The following KDM2B variants were observed in gnomAD, a reference collection of about 807,000 sequenced individuals.
The protein encoded by KDM2B is lysine demethylase 2B, also known as lysine-specific demethylase 2B.
Under a neutral mutation model 150.0 loss-of-function variants are expected in KDM2B, and 26 were observed. The observed-to-expected ratio is 0.17, with a 90% CI of 0.13 to 0.24. KDM2B has a LOEUF of 0.24. KDM2B is among the 10% of genes least tolerant of loss of function. The probability of loss-of-function intolerance (pLI) is 1.00; values close to 1 mark genes in which losing one functional copy is unlikely to be tolerated. For missense variants in KDM2B, 1,265 were observed against 1,816.9 expected (o/e 0.70, Z 5.52); for synonymous variants, 734 against 729.5 (o/e 1.01, Z -0.10).
chr12:121,576,874 G>C (rs910787015), intron 2 of KDM2B, among the ~76,000 whole-genome samples: 28 of 152,192 alleles, frequency 1.8e-4, no homozygotes, highest in African/African-American at 6.5e-4. Flanking sequence ...ACAGTTCACA[G>C]GGCAGCCTTG....
Position 121,439,819 on chromosome 12 carries a change from G to A in KDM2B, c.3829+38C>T, listed in dbSNP as rs368644451. ...AATGTGAACCTCCTGGTTCTCCCAC[G>A]GAGTGTTAGGCAGACCCGATGGGGG... On this transcript the variant is annotated intron_variant, in intron 22 of 22. Transcript: ENST00000377071. 367 of 1,473,988 alleles carry A rather than the reference G, an allele frequency of 2.5e-4. No individual in the cohort carries two copies. In the South Asian group the frequency reaches 2.5e-3, roughly 10 times the overall value. The allele number at this position is 1,473,988 out of a possible 1,614,324, so 91.3% of individuals were successfully genotyped here.
intron 11 of KDM2B, among the ~76,000 whole-genome samples, chr12:121,508,380 CT>C (rs1428720626): frequency 1.3e-5 from 2 of 152,234 alleles, no homozygotes; most frequent in African/African-American, 2.4e-5. Context: ...GCCACCGTGC[CT>C]GGCCCGCACC....
At position 121,537,062 on chromosome 12, in the gene KDM2B, G is replaced by A. The variant is rs1888182919; in HGVS notation, c.684-2472C>T. 6.6e-6 allele frequency among the ~76,000 whole-genome samples: 1 copy of A among 152,124 alleles called. No individual in the cohort carries two copies. Among genetic ancestry groups the A allele is most frequent in the Non-Finnish European group, 1.5e-5 (1 of 67,976 alleles). On this transcript the variant is annotated intron_variant, in intron 6 of 22. Transcript: ENST00000377071. The surrounding 1 kb of genome is among the most constrained non-coding windows in gnomAD (Gnocchi z 8.7). ...AGAGGCCCCTCGGGGGGCTGGGGCC[G>A]CCTCTTCCAGACCTGCCTCTCCCGG... is the stretch of plus-strand genomic sequence containing the variant.
At chr12:121,460,600 G>A (rs1386873866) in intron 12 of KDM2B, among the ~76,000 whole-genome samples, 1 of 152,046 alleles carries the variant, frequency 6.6e-6, no homozygotes, top group South Asian at 2.1e-4. Flanking sequence ...GAGCGACGGA[G>A]TCCCACTATG....
chr12:121,413,575 C>CTT, the KDM2B span, among the ~76,000 whole-genome samples: 91 of 108,734 alleles, frequency 8.4e-4, 5 homozygotes, highest in African/African-American at 3.1e-3. Flanking sequence ...CCATGCCCAG[C>CTT]TTTTTTTTTT....
intron 4 of KDM2B, among the ~76,000 whole-genome samples, chr12:121,566,147 T>G (rs1254568010): frequency 6.6e-6 from 1 of 152,010 alleles, no homozygotes; most frequent in Non-Finnish European, 1.5e-5. Flanking sequence ...TTAAGCCAGA[T>G]ACAAAAAGAA....
rs569642192 is a variant in KDM2B at position 121,533,431 on chromosome 12, T to C, written c.778-472A>G. On this transcript the variant is annotated intron_variant, in intron 7 of 22. Coordinates refer to ENST00000377071, the MANE Select transcript of KDM2B (RefSeq NM_032590.5). This position sits in a 1 kb window ranked among gnomAD's most constrained non-coding sequence, Gnocchi z 4.1. ...CACGTTCAGTTAAAACAAACGCACA[T>C]GCAGACCCAGCCAAGCAGGGTGGCA... Among the ~76,000 whole-genome samples the C allele has an allele frequency of 6.6e-6, 1 of 152,260 alleles. No individual in the cohort carries two copies. The highest frequency in any genetic ancestry group is 2.1e-4 in the South Asian group (1 of 4,822).
chr12:121,470,844 G>C (rs1440728783), intron 12 of KDM2B, among the ~76,000 whole-genome samples: 3 of 152,232 alleles, frequency 2.0e-5, no homozygotes, highest in African/African-American at 4.8e-5. Context: ...AAGGTGGGTA[G>C]GTATGGTTTG....
chr12:121,549,129 G>A lies in KDM2B; in HGVS notation c.577-146C>T, dbSNP rs1030693639. On this transcript the variant is annotated intron_variant, in intron 5 of 22. Coordinates refer to ENST00000377071, the MANE Select transcript of KDM2B (RefSeq NM_032590.5). This position sits in a 1 kb window ranked among gnomAD's most constrained non-coding sequence, Gnocchi z 4.4. ...CCCAACATGGGAGGAAGGAAGGGCA[G>A]GGATGACAGGACCCACACTTTGTAG... The A allele has an allele frequency of 3.0e-6, 2 of 662,550 alleles. No homozygotes were observed. The highest frequency in any genetic ancestry group is 5.2e-6 in the Non-Finnish European group (2 of 381,922). The allele number at this position is 662,550 out of a possible 1,614,324, so 41.0% of individuals were successfully genotyped here.
chr12:121,532,353 G>A (rs1338324389), intron 8 of KDM2B, among the ~76,000 whole-genome samples: 1 of 152,148 alleles, frequency 6.6e-6, no homozygotes, highest in Non-Finnish European at 1.5e-5. Context: ...AACTCACTCA[G>A]CCCTCATGAC....
chr12:121,543,377 A>C (rs889208420), intron 6 of KDM2B, among the ~76,000 whole-genome samples: 23 of 151,944 alleles, frequency 1.5e-4, no homozygotes, highest in African/African-American at 5.6e-4. Context: ...AAGAAAAGAA[A>C]AACACTGAGT....
Position 121,442,512 on chromosome 12 carries a change from G to C in KDM2B, c.2929C>G (p.Pro977Ala), listed in dbSNP as rs369380594. 8 of 1,599,480 alleles carry C rather than the reference G, an allele frequency of 5.0e-6. No homozygotes were observed. Among genetic ancestry groups the C allele is most frequent in the Admixed American group, 3.3e-5 (2 of 60,004 alleles). Residue 977 changes from proline (P) to alanine (A), a missense_variant, in exon 19 of 23, where the codon CCT (proline) becomes GCT (alanine). By Grantham distance (27) the Pro-to-Ala change is conservative (BLOSUM62 -1). Transcript: ENST00000377071. The surrounding 1 kb of genome is among the most constrained non-coding windows in gnomAD (Gnocchi z 7.7). Reference protein sequence around the residue: ...NENQQPIKSEPESEGEEPKRP... With the variant: ...NENQQPIKSEAESEGEEPKRP... ...TTGGGCTCCTCGCCCTCGCTCTCAG[G>C]CTCCGACTTGATGGGCTGCTGGTTC...
At position 121,444,048 on chromosome 12, in the gene KDM2B, T is replaced by C. The variant is rs986985297; in HGVS notation, c.2415A>G (p.Lys805=). Reference sequence around the variant, plus strand: ...CACTCAGCTCCTGGGGCTTCTCGTATTTCCGCTTCTTCCTCAGGTGCACGT... The same window carrying C: ...CACTCAGCTCCTGGGGCTTCTCGTACTTCCGCTTCTTCCTCAGGTGCACGT... ...SDDVHLRKKR[K]YEKPQELSGR... is the part of the protein sequence containing the mutation. Residue 805 remains lysine (K), a synonymous_variant, in exon 16 of 23, where the codon AAA becomes AAG. Transcript: ENST00000377071. 1 of 1,613,478 alleles carries C rather than the reference T, an allele frequency of 6.2e-7. No individual in the cohort carries two copies. The highest frequency in any genetic ancestry group is 1.3e-5 in the African/African-American group (1 of 74,942).
the KDM2B span, among the ~76,000 whole-genome samples, chr12:121,411,845 A>G: frequency 1.3e-5 from 2 of 152,348 alleles, no homozygotes; most frequent in South Asian, 2.1e-4. Flanking sequence ...TTTAGTAGCT[A>G]CATTAGTAGG....
intron 4 of KDM2B, among the ~76,000 whole-genome samples, chr12:121,562,844 A>T (rs1264867442): frequency 1.3e-5 from 2 of 152,222 alleles, no homozygotes; most frequent in Non-Finnish European, 2.9e-5. Flanking sequence ...TGCCTAATTC[A>T]TATGACTACT....
chr12:121,454,999 CCAT>C (rs1310205932), intron 12 of KDM2B, among the ~76,000 whole-genome samples: 2 of 152,196 alleles, frequency 1.3e-5, no homozygotes, highest in Non-Finnish European at 2.9e-5. Context: ...AGCCTCGCCA[CCAT>C]CAACTTTCTT....
chr12:121,434,427 T>C (rs1555286249), intron 22 of KDM2B, among the ~76,000 whole-genome samples: 1 of 130,146 alleles, frequency 7.7e-6, no homozygotes, highest in Non-Finnish European at 1.6e-5. Context: ...ACCCGGGAGG[T>C]GGAGGTTGCA....
At chr12:121,580,680 C>A in intron 1 of KDM2B, 106 bp downstream of exon 1, 1 of 1,434,880 alleles carries the variant, frequency 7.0e-7, no homozygotes, top group Non-Finnish European at 9.3e-7. Flanking sequence ...GTGAAAGCCC[C>A]CGGGGCCTGG....
chr12:121,437,887 A>ATTT (rs200245718), intron 22 of KDM2B, among the ~76,000 whole-genome samples: 9 of 148,000 alleles, frequency 6.1e-5, no homozygotes, highest in Non-Finnish European at 9.0e-5. Context: ...TGAGAGGGGA[A>ATTT]TTTTTTTTTT....
Sources: allele counts gnomAD v4.1 joint callset (sites outside exome capture counted in the v4.1 genomes callset), GRCh38; gene constraint gnomAD v4.1.1; non-coding constraint Gnocchi (gnomAD v3.1); transcripts MANE v1.5; gene names NCBI Gene and HGNC (gene_info 2026-07-23, HGNC 2026-07-21).